Variants in CRYBG3 observed in about 807,000 individuals in gnomAD.
The protein encoded by CRYBG3 is crystallin beta-gamma domain containing 3.
Under a neutral mutation model 244.2 loss-of-function variants are expected in CRYBG3, and 127 were observed. The ratio of observed to expected loss-of-function variants is 0.52; its 90% CI spans 0.45 to 0.60. The LOEUF (loss-of-function observed/expected upper bound fraction) is 0.60, where lower values mean the gene tolerates loss of function less well. Among genes scored for constraint, CRYBG3 ranks in the 20% least tolerant of loss-of-function variants. CRYBG3 has a pLI of 0.00. For missense variants in CRYBG3, 3,325 were observed against 3,442.5 expected (o/e 0.97, Z 0.85); for synonymous variants, 1,132 against 1,195.8 (o/e 0.95, Z 1.10).
intron 11 of CRYBG3, among the ~76,000 whole-genome samples, chr3:97,895,297 T>A (rs1489427218): frequency 6.6e-6 from 1 of 152,236 alleles, no homozygotes; most frequent in Non-Finnish European, 1.5e-5. Context: ...TAATAACTCA[T>A]GGTATTTATC....
chr3:97,832,169 C>G (rs533315086), intron 1 of CRYBG3, among the ~76,000 whole-genome samples: 1 of 149,626 alleles, frequency 6.7e-6, no homozygotes, highest in East Asian at 2.0e-4. Flanking sequence ...TGCCATCAAG[C>G]TACCATTGAC....
intron 7 of CRYBG3, 147 bp from the exon 8 acceptor site, chr3:97,886,484 G>A (rs1239242497): frequency 5.4e-6 from 3 of 550,818 alleles, no homozygotes; most frequent in East Asian, 6.4e-5. Flanking sequence ...AAAAAAGGGT[G>A]AGGAGAAACA....
chr3:97,901,285 T>C lies in CRYBG3; in HGVS notation c.8004+800T>C, dbSNP rs146862262. Among the ~76,000 whole-genome samples the C allele has an allele frequency of 5.9e-5, 9 of 152,330 alleles. 1 individual carries two copies. The highest frequency in any genetic ancestry group is 2.2e-4 in the African/African-American group (9 of 41,570). On this transcript the variant is annotated intron_variant, in intron 15 of 21. Transcript: ENST00000389622. ...TTTCGTTTTATTTTAAATTACAAAT[T>C]CAGAAAAATTGTTGTCAAAAAGCCA...
At position 97,874,591 on chromosome 3, in the gene CRYBG3, A is replaced by T; in HGVS notation, c.3397A>T (p.Thr1133Ser). The change falls in exon 4 of 22, where the codon ACT becomes TCT. Residue 1133 changes from threonine (T) to serine (S), a missense_variant. Thr to Ser is a moderately conservative substitution (Grantham distance 58, BLOSUM62 1). This residue lies in a region of CRYBG3 where 1,526 missense variants were observed against 1,443.2 expected (regional missense o/e 1.06). Transcript: ENST00000389622. ...TPFQEHFGIYTGKISIDFPTA... is the reference protein window; with the variant it reads ...TPFQEHFGIYSGKISIDFPTA... ...ATTTCAGGAACATTTTGGGATTTATACTGGGAAGATATCCATTGATTTCCC... is the reference window on the plus strand; with the variant it reads ...ATTTCAGGAACATTTTGGGATTTATTCTGGGAAGATATCCATTGATTTCCC... The T allele has an allele frequency of 6.5e-7, 1 of 1,536,072 alleles. No individual in the cohort carries two copies.
Position 97,876,703 on chromosome 3 carries a change from G to C in CRYBG3, c.5509G>C (p.Val1837Leu). ...RDVKETIGAT[V>L]STPSVIEMEK... The stretch of plus-strand genomic sequence containing the variant: ...TGTTAAAGAGACTATTGGAGCAACT[G>C]TGTCCACACCCTCTGTGATAGAAAT... Residue 1837 changes from valine (V) to leucine (L), a missense_variant, in exon 4 of 22, where the codon GTG becomes CTG. Coordinates refer to ENST00000389622, the MANE Select transcript of CRYBG3 (RefSeq NM_153605.4). The C allele has an allele frequency of 2.4e-6, 3 of 1,248,756 alleles. No homozygotes were observed. Among genetic ancestry groups the C allele is most frequent in the Non-Finnish European group, 3.0e-6 (3 of 998,406 alleles). The allele number at this position is 1,248,756 out of a possible 1,614,324, so 77.4% of individuals were successfully genotyped here. A position where few individuals can be genotyped will look rare whatever the true frequency, so the allele number is the denominator to read the frequency against.
intron 15 of CRYBG3, among the ~76,000 whole-genome samples, chr3:97,910,021 T>C (rs939419089): frequency 1.3e-5 from 2 of 151,708 alleles, no homozygotes; most frequent in African/African-American, 4.9e-5. Flanking sequence ...GAGGTGTCAG[T>C]GTGCCCCTGC....
chr3:97,922,770 G>C (rs1484450346), intron 17 of CRYBG3, among the ~76,000 whole-genome samples: 1 of 152,164 alleles, frequency 6.6e-6, no homozygotes, highest in Non-Finnish European at 1.5e-5. Context: ...CATTGTGGAA[G>C]ACAGTGTGGC....
chr3:97,906,208 G>C (rs1171504901), intron 15 of CRYBG3, among the ~76,000 whole-genome samples: 2 of 143,104 alleles, frequency 1.4e-5, no homozygotes, highest in African/African-American at 5.0e-5. Flanking sequence ...TTTTGGCTTA[G>C]GATTGACTTC....
At chr3:97,892,497 G>GTA (rs1186090773) in intron 10 of CRYBG3, among the ~76,000 whole-genome samples, 11 of 152,032 alleles carry the variant, frequency 7.2e-5, no homozygotes, top group Non-Finnish European at 1.5e-4. Flanking sequence ...AATCATTAGT[G>GTA]ATTTCACCAT....
intron 17 of CRYBG3, among the ~76,000 whole-genome samples, chr3:97,926,947 C>T (rs529338348): frequency 9.2e-5 from 14 of 152,124 alleles, no homozygotes; most frequent in African/African-American, 3.4e-4. Context: ...ACACTCCATG[C>T]TCATGGATAG....
intron 2 of CRYBG3, among the ~76,000 whole-genome samples, chr3:97,855,168 T>C (rs572134447): frequency 2.4e-4 from 36 of 152,310 alleles, no homozygotes; most frequent in Non-Finnish European, 5.0e-4. Flanking sequence ...GAATTGTCTT[T>C]GCATCATTGG....
rs769549554 is a variant in CRYBG3, at chr3:97,899,208, T to G, written c.7916T>G (p.Phe2639Cys). 4 of 1,613,832 alleles carry G rather than the reference T, an allele frequency of 2.5e-6. No homozygotes were observed. In the South Asian group the frequency reaches 3.3e-5, roughly 13 times the overall value. Reference sequence around the variant, plus strand: ...TTAGAAAAAGGGAAATACAAATGCTTTTTTGACTGGGGAGGATCAAATAAT... The same window carrying G: ...TTAGAAAAAGGGAAATACAAATGCTGTTTTGACTGGGGAGGATCAAATAAT... ...YILEKGKYKC[F>C]FDWGGSNNII... Residue 2639 changes from phenylalanine (F) to cysteine (C), a missense_variant, in exon 14 of 22, where the codon TTT (phenylalanine) becomes TGT (cysteine). Around this residue, in one of 4 missense-constraint regions of CRYBG3, gnomAD observed 714 missense variants for 803.6 expected, o/e 0.89. Coordinates refer to ENST00000389622, the MANE Select transcript of CRYBG3 (RefSeq NM_153605.4).
In CRYBG3 at chr3:97,872,346, A is replaced by C. The variant is rs1229985290; in HGVS notation, c.1152A>C (p.Leu384Phe). The change falls in exon 4 of 22, where the codon TTA (leucine) becomes TTC (phenylalanine). Residue 384 changes from leucine to phenylalanine, a missense_variant. Transcript: ENST00000389622. ...GAAATTTGGTATGTTCAGCATTGTT[A>C]ACAGGAAGTAACCATCGCAAAGTCC... ...TNRNLVCSAL[L>F]TGSNHRKVPC... is the part of the protein sequence containing the mutation. 10 of 1,535,882 alleles carry C rather than the reference A, an allele frequency of 6.5e-6. No homozygotes were observed. The highest frequency in any genetic ancestry group is 8.7e-6 in the Non-Finnish European group (10 of 1,146,832).
intron 4 of CRYBG3, 90 bp from the exon 5 acceptor site, chr3:97,879,614 T>C (rs1212991855): frequency 2.3e-6 from 2 of 855,376 alleles, no homozygotes; most frequent in African/African-American, 1.7e-5. Context: ...AAATATGTGA[T>C]AAATTGGATA....
chr3:97,822,600 C>G (rs560719345), intron 1 of CRYBG3, among the ~76,000 whole-genome samples: 2 of 152,342 alleles, frequency 1.3e-5, no homozygotes, highest in South Asian at 4.1e-4. Context: ...CGCATATCCC[C>G]CGATCCCCGC....
chr3:97,881,651 G>A (rs1220198904), intron 7 of CRYBG3, among the ~76,000 whole-genome samples: 1 of 152,102 alleles, frequency 6.6e-6, no homozygotes, highest in Admixed American at 6.6e-5. Context: ...GGGACACGGA[G>A]GTTGCAGTCA....
chr3:97,841,321 C>T (rs1172565880), intron 1 of CRYBG3, among the ~76,000 whole-genome samples: 1 of 149,146 alleles, frequency 6.7e-6, no homozygotes, highest in Non-Finnish European at 1.5e-5. Context: ...TGTATATACG[C>T]ATATATATAT....
intron 2 of CRYBG3, among the ~76,000 whole-genome samples, chr3:97,863,064 G>A (rs2039173464): frequency 6.6e-6 from 1 of 152,056 alleles, no homozygotes; most frequent in East Asian, 1.9e-4. Context: ...TAATTATGAT[G>A]TTCTTGCCTT....
chr3:97,852,479 G>A (rs758610716), intron 2 of CRYBG3, among the ~76,000 whole-genome samples: 31 of 152,122 alleles, frequency 2.0e-4, no homozygotes, highest in Non-Finnish European at 2.5e-4. Flanking sequence ...TCTGGACTTA[G>A]GAAGTGATTG....
Sources: gnomAD v4.1 joint callset for allele counts (sites outside exome capture counted in the v4.1 genomes callset) on GRCh38, gnomAD v4.1.1 for gene constraint, gnomAD v4.1.1 regional missense constraint, MANE v1.5 for transcripts, NCBI Gene and HGNC (gene_info 2026-07-23, HGNC 2026-07-21) for gene names.